Variants in ZNF680 observed in about 807,000 individuals in gnomAD.
ZNF680 encodes the protein hypothetical protein FLJ90430.
In ZNF680, 6 loss-of-function variants were observed where a neutral mutation model predicts 12.1. The ratio of observed to expected loss-of-function variants is 0.49; its 90% CI spans 0.27 to 0.98. ZNF680 has a LOEUF of 0.98. Ranked by LOEUF, ZNF680 falls within the 50% of genes least tolerant of loss-of-function variation. The pLI is 0.12. For synonymous variants in ZNF680, 170 were observed against 199.3 expected, an observed-to-expected ratio of 0.85 and a Z score of 1.24; for missense variants, 561 against 616.3, an observed-to-expected ratio of 0.91 and a Z score of 0.95.
intron 3 of ZNF680, chr7:64,525,162 A>C (rs938741649): frequency 4.6e-5 from 7 of 152,192 alleles, no homozygotes; most frequent in African/African-American, 1.7e-4. Flanking sequence ...GAGCTACAGA[A>C]TTGTAACAAT....
At chr7:64,513,860 G>A in the ZNF680 span, among the ~76,000 whole-genome samples, 1 of 151,872 alleles carries the variant, frequency 6.6e-6, no homozygotes, top group Non-Finnish European at 1.5e-5. Flanking sequence ...TGGCTAGGAT[G>A]GTCTTGATTT....
In ZNF680 at chr7:64,544,442, ACAC is replaced by A. The variant is rs1253051671; in HGVS notation, c.31-13_31-11del. The A allele has an allele frequency of 1.6e-5, 5 of 304,894 alleles. No homozygotes were observed. The highest frequency in any genetic ancestry group is 1.3e-4 in the East Asian group (1 of 7,618). The allele number at this position is 304,894 out of a possible 1,614,324, so 18.9% of individuals were successfully genotyped here. A position where few individuals can be genotyped will look rare whatever the true frequency, so the allele number is the denominator to read the frequency against. On this transcript the variant is annotated splice_polypyrimidine_tract_variant and intron_variant, in intron 1 of 3. Transcript: ENST00000309683. ...TAAATGTCAGTGGTCCCTGAAAAAC[ACAC>A]ACACACACACACACACACACACACA...
rs1393307531 is a variant in ZNF680, at chr7:64,520,155, C to G, written c.*1006G>C. The G allele has an allele frequency of 1.3e-5, 2 of 151,652 alleles. No individual in the cohort carries two copies. The highest frequency in any genetic ancestry group is 4.8e-5 in the African/African-American group (2 of 41,408). 9.4% of individuals were successfully genotyped at this position (151,652 alleles called of 1,614,324 possible). On this transcript the variant is annotated 3_prime_UTR_variant, in exon 4 of 4. Coordinates refer to ENST00000309683, the MANE Select transcript of ZNF680 (RefSeq NM_178558.5). ...TAAACCTTACATTTTAATGCCCATACTCTTCCACAGAAAAAACCATAAATA... is the reference window on the plus strand; with the variant it reads ...TAAACCTTACATTTTAATGCCCATAGTCTTCCACAGAAAAAACCATAAATA...
chr7:64,503,247 T>G, the ZNF680 span, among the ~76,000 whole-genome samples: 1 of 144,844 alleles, frequency 6.9e-6, no homozygotes. Context: ...TAGTCTCTAA[T>G]GAGCTTATAA....
chr7:64,562,288 T>C (rs1487373530), intron 1 of ZNF680, among the ~76,000 whole-genome samples: 4 of 151,842 alleles, frequency 2.6e-5, no homozygotes, highest in African/African-American at 7.3e-5. Flanking sequence ...AAGTATTACA[T>C]TGGGGGAAAT....
chr7:64,527,052 A>G (rs1791894552), intron 3 of ZNF680, among the ~76,000 whole-genome samples: 1 of 152,178 alleles, frequency 6.6e-6, no homozygotes, highest in African/African-American at 2.4e-5. Context: ...ATCCTGGCCA[A>G]CATGGCGAAA....
chr7:64,514,291 A>G, the ZNF680 span, among the ~76,000 whole-genome samples: 1 of 152,224 alleles, frequency 6.6e-6, no homozygotes, highest in African/African-American at 2.4e-5. Flanking sequence ...ATGTTCCAAA[A>G]CCATATAAAA....
intron 3 of ZNF680, among the ~76,000 whole-genome samples, chr7:64,541,268 C>T (rs1364073374): frequency 6.6e-6 from 1 of 152,050 alleles, no homozygotes; most frequent in East Asian, 1.9e-4. Context: ...TCCTAAATGT[C>T]TGAACCTAAA....
intron 1 of ZNF680, among the ~76,000 whole-genome samples, chr7:64,546,729 T>TGA (rs1786806809): frequency 6.6e-6 from 1 of 152,044 alleles, no homozygotes. Flanking sequence ...GGCGACAGAG[T>TGA]GAGACTCCAT....
rs1314045993 is a variant in ZNF680 at position 64,522,507 on chromosome 7, G to A, written c.254-7C>T. 2.8e-6 allele frequency: 4 copies of A among 1,423,748 alleles called. No individual in the cohort carries two copies. Among genetic ancestry groups the A allele is most frequent in the East Asian group, 2.4e-5 (1 of 41,786 alleles). 88.2% of individuals were successfully genotyped at this position (1,423,748 alleles called of 1,614,324 possible). On this transcript the variant is annotated splice_polypyrimidine_tract_variant and splice_region_variant and intron_variant, in intron 3 of 3. Transcript: ENST00000309683. ...GTGAAATGAGAATATATAACTGAAA[G>A]ACATAAAAGTAACAAATTACACCAC... is the stretch of plus-strand genomic sequence containing the variant.
At position 64,528,357 on chromosome 7, in the gene ZNF680, G is replaced by C. The variant is rs193300562; in HGVS notation, c.254-5857C>G. Among the ~76,000 whole-genome samples the C allele has an allele frequency of 4.6e-5, 7 of 152,274 alleles. No homozygotes were observed. In the East Asian group the frequency reaches 1.4e-3, roughly 29 times the overall value. On this transcript the variant is annotated intron_variant, in intron 3 of 3. Transcript: ENST00000309683. Reference sequence around the variant, plus strand: ...CAAATCCATCCTGCAGACTCCACAGGTCACAGGTCACAGGGCCGGGGAAGA... The same window carrying C: ...CAAATCCATCCTGCAGACTCCACAGCTCACAGGTCACAGGGCCGGGGAAGA...
chr7:64,561,443 A>AC (rs774537611), intron 1 of ZNF680, among the ~76,000 whole-genome samples: 142 of 152,106 alleles, frequency 9.3e-4, no homozygotes, highest in Non-Finnish European at 1.5e-3. Context: ...GGAAACTGTG[A>AC]CCCCCCAAAA....
At chr7:64,515,650 A>G (rs1791337470), downstream of ZNF680, among the ~76,000 whole-genome samples, 2 of 152,188 alleles carry the variant, frequency 1.3e-5, no homozygotes, top group Non-Finnish European at 2.9e-5. Context: ...CAACTGCACA[A>G]ATAAAAAAAC....
the ZNF680 span, among the ~76,000 whole-genome samples, chr7:64,502,366 T>C: frequency 2.7e-5 from 4 of 147,400 alleles, no homozygotes; most frequent in Non-Finnish European, 6.0e-5. Flanking sequence ...CAGAAAGTAG[T>C]TTTTTTCATT....
At chr7:64,518,900 A>T (rs1214946847), downstream of ZNF680, among the ~76,000 whole-genome samples, 4 of 152,110 alleles carry the variant, frequency 2.6e-5, no homozygotes, top group African/African-American at 9.6e-5. Context: ...CTAGAAGATA[A>T]CATTGGAAAA....
Position 64,560,582 on chromosome 7 carries a change from C to T in ZNF680, c.30+2343G>A, listed in dbSNP as rs368212215. ...ATCCCAATACTTTGGGAGGCCAAGG[C>T]GGGTGGATCACCTGAGATCAAGAGT... On this transcript the variant is annotated intron_variant, in intron 1 of 3. Transcript: ENST00000309683. Among the ~76,000 whole-genome samples the T allele has an allele frequency of 3.2e-4, 48 of 152,198 alleles. 1 individual carries two copies. The East Asian group carries it at 7.4e-3, about 23-fold the overall frequency.
At chr7:64,523,947 A>C (rs1164543869) in intron 3 of ZNF680, among the ~76,000 whole-genome samples, 11 of 152,084 alleles carry the variant, frequency 7.2e-5, no homozygotes, top group Admixed American at 2.0e-4. Flanking sequence ...ACCAAGATCC[A>C]ACATGCCTTT....
chr7:64,500,272 AT>A, the ZNF680 span, among the ~76,000 whole-genome samples: 1 of 152,190 alleles, frequency 6.6e-6, no homozygotes, highest in African/African-American at 2.4e-5. Flanking sequence ...CATAATTTAT[AT>A]TTTAAAAGTA....
At chr7:64,562,766 T>A in intron 1 of ZNF680, among the ~76,000 whole-genome samples, 159 bp downstream of exon 1, 1 of 152,200 alleles carries the variant, frequency 6.6e-6, no homozygotes, top group East Asian at 1.9e-4. Context: ...AGCCGCCATC[T>A]TATGGCTGAA....
Sources: gnomAD v4.1 joint callset for allele counts (sites outside exome capture counted in the v4.1 genomes callset) on GRCh38, gnomAD v4.1.1 for gene constraint, MANE v1.5 for transcripts, NCBI Gene and HGNC (gene_info 2026-07-23, HGNC 2026-07-21) for gene names.